SYT16: variants seen among roughly 807,000 people sequenced by gnomAD.
SYT16 encodes synaptotagmin-16.
SYT16 carries 42 observed loss-of-function variants against 61.4 expected under a neutral mutation model. The observed-to-expected ratio is 0.68, with a 90% CI of 0.53 to 0.89. SYT16 has a LOEUF of 0.89. SYT16 is among the 40% of genes least tolerant of loss of function. SYT16 has a pLI of 0.00. For synonymous variants in SYT16, 314 were observed against 302.3 expected, an observed-to-expected ratio of 1.04 and a Z score of -0.40; for missense variants, 804 against 807.3, an observed-to-expected ratio of 1.00 and a Z score of 0.05.
intron 3 of SYT16, among the ~76,000 whole-genome samples, chr14:62,044,177 G>C (rs2054864730): frequency 6.6e-6 from 1 of 151,020 alleles, no homozygotes; most frequent in Non-Finnish European, 1.5e-5. Context: ...TCCAGCCTGG[G>C]TGACAGAGCA....
At chr14:61,831,549 C>G (rs1171845192) in intron 1 of SYT16, among the ~76,000 whole-genome samples, 1 of 152,080 alleles carries the variant, frequency 6.6e-6, no homozygotes, top group Admixed American at 6.6e-5. Context: ...AGTATTGTCT[C>G]TCTCCCATTC....
At chr14:62,016,218 A>G (rs777478194) in intron 3 of SYT16, among the ~76,000 whole-genome samples, 27 of 152,218 alleles carry the variant, frequency 1.8e-4, no homozygotes, top group Non-Finnish European at 3.5e-4. Context: ...TTCAGTTTCC[A>G]TGGCACAGCT....
At chr14:62,078,172 A>AACACACACCACAC (rs1555382592) in intron 5 of SYT16, among the ~76,000 whole-genome samples, 3 of 128,786 alleles carry the variant, frequency 2.3e-5, no homozygotes, top group African/African-American at 3.1e-5. Context: ...TATATATATA[A>AACACACACCACAC]ACACACACAC....
chr14:62,096,831 G>A (rs1478619815), intron 7 of SYT16, among the ~76,000 whole-genome samples: 1 of 152,096 alleles, frequency 6.6e-6, no homozygotes, highest in Admixed American at 6.6e-5. Context: ...CAATAAAAAG[G>A]CAGAAACATT....
At chr14:62,072,292 A>G (rs1406080210) in intron 4 of SYT16, among the ~76,000 whole-genome samples, 1 of 152,190 alleles carries the variant, frequency 6.6e-6, no homozygotes, top group Non-Finnish European at 1.5e-5. Context: ...TATATCTGCC[A>G]TGGTTCAATT....
intron 1 of SYT16, among the ~76,000 whole-genome samples, chr14:61,895,869 TATTTAGGA>T (rs1292184120): frequency 6.6e-6 from 1 of 152,212 alleles, no homozygotes; most frequent in Non-Finnish European, 1.5e-5. Context: ...AAATATTAGT[TATTTAGGA>T]ATTTTTTTCT....
intron 3 of SYT16, among the ~76,000 whole-genome samples, chr14:62,049,994 A>G (rs2055195081): frequency 6.6e-6 from 1 of 151,998 alleles, no homozygotes; most frequent in South Asian, 2.1e-4. Context: ...CATTCTCTGT[A>G]TTTCCTGAAT....
At chr14:61,897,527 A>T (rs2140351017) in intron 1 of SYT16, among the ~76,000 whole-genome samples, 1 of 152,246 alleles carries the variant, frequency 6.6e-6, no homozygotes, top group South Asian at 2.1e-4. Flanking sequence ...TGCATCTTAA[A>T]TTAATATCTA....
rs2057515073 is a variant in SYT16 at position 62,106,463 on chromosome 14, T to C, written c.*5756T>C. ...CATCATCTTTGGAAGTTTTTTAAAA[T>C]AGAAAAATGTACTTGAAGTCTTGGT... On this transcript the variant is annotated 3_prime_UTR_variant, in exon 8 of 8. Transcript: ENST00000683842. 1 of 152,126 alleles carries C rather than the reference T, an allele frequency of 6.6e-6. No individual in the cohort carries two copies. The highest frequency in any genetic ancestry group is 1.5e-5 in the Non-Finnish European group (1 of 68,014). The allele number at this position is 152,126 out of a possible 1,614,324, so 9.4% of individuals were successfully genotyped here.
chr14:61,867,188 ATCTTTT>A (rs1287673107), intron 1 of SYT16, among the ~76,000 whole-genome samples: 7 of 152,076 alleles, frequency 4.6e-5, no homozygotes, highest in South Asian at 2.1e-4. Context: ...GGTAGTGTAA[ATCTTTT>A]TCTTTTTCAT....
intron 7 of SYT16, among the ~76,000 whole-genome samples, chr14:62,089,188 AG>A (rs2056985965): frequency 6.6e-6 from 1 of 151,982 alleles, no homozygotes; most frequent in Non-Finnish European, 1.5e-5. Flanking sequence ...GCATGGTGGC[AG>A]GTGCCTGTAA....
At chr14:61,968,330 G>C (rs1261961324) in intron 1 of SYT16, among the ~76,000 whole-genome samples, 1 of 152,138 alleles carries the variant, frequency 6.6e-6, no homozygotes, top group Admixed American at 6.5e-5. Context: ...AGAAGATAAA[G>C]GGGTGTGGTT....
chr14:62,046,920 T>C (rs1453278370), intron 3 of SYT16, among the ~76,000 whole-genome samples: 1 of 152,246 alleles, frequency 6.6e-6, no homozygotes, highest in Non-Finnish European at 1.5e-5. Flanking sequence ...TGGCTTAGGA[T>C]TGACTGGGCA....
intron 1 of SYT16, among the ~76,000 whole-genome samples, chr14:61,928,839 G>C (rs2049642906): frequency 6.6e-6 from 1 of 152,230 alleles, no homozygotes; most frequent in African/African-American, 2.4e-5. Flanking sequence ...CGATAATGAG[G>C]ATAAGTACAT....
In SYT16 at chr14:62,100,458, C is replaced by A; in HGVS notation, c.1689C>A (p.Ser563=). 6.2e-7 allele frequency: 1 copy of A among 1,613,422 alleles called. No individual in the cohort carries two copies. The highest frequency in any genetic ancestry group is 8.5e-7 in the Non-Finnish European group (1 of 1,179,650). Reference sequence around the variant, plus strand: ...AAGAGATGTCCCGTTGCAAGACGTCCATTCGGCGTGGTCAGCCCAATCCTG... The same window carrying A: ...AAGAGATGTCCCGTTGCAAGACGTCAATTCGGCGTGGTCAGCCCAATCCTG... ...VGQEMSRCKT[S]IRRGQPNPVY... is the part of the protein sequence containing the mutation. The change falls in exon 8 of 8, where the codon TCC becomes TCA. Residue 563 remains serine, a synonymous_variant. Coordinates refer to ENST00000683842, the MANE Select transcript of SYT16 (RefSeq NM_001367656.1).
At chr14:62,100,023 G>A (rs1186282343) in intron 7 of SYT16, among the ~76,000 whole-genome samples, 1 of 152,168 alleles carries the variant, frequency 6.6e-6, no homozygotes, top group Admixed American at 6.5e-5. Context: ...ATCATGTAGA[G>A]CAAAATGTGT....
In SYT16 at chr14:61,937,664, T is replaced by A. The variant is rs1044709531; in HGVS notation, c.-324-32468T>A. 5.9e-5 allele frequency among the ~76,000 whole-genome samples: 9 copies of A among 152,124 alleles called. No individual in the cohort carries two copies. In the South Asian group the frequency reaches 6.2e-4, roughly 11 times the overall value. ...TGGAGAGTGTTGGGACAATTTTCAA[T>A]AAGAGATTATTGTTGTTTCAGTGGC... On this transcript the variant is annotated intron_variant, in intron 1 of 7. Transcript: ENST00000683842.
intron 1 of SYT16, among the ~76,000 whole-genome samples, chr14:61,919,443 G>T (rs527434071): frequency 6.6e-6 from 1 of 152,370 alleles, no homozygotes; most frequent in East Asian, 1.9e-4. Context: ...GATAAATCAA[G>T]ATGTCAGCAG....
intron 5 of SYT16, among the ~76,000 whole-genome samples, chr14:62,078,958 G>A (rs1483031043): frequency 1.3e-5 from 2 of 152,180 alleles, no homozygotes; most frequent in Admixed American, 6.5e-5. Flanking sequence ...GTGTTTAAGA[G>A]CCAATTTTTA....
Sources: allele counts gnomAD v4.1 joint callset (sites outside exome capture counted in the v4.1 genomes callset), GRCh38; gene constraint gnomAD v4.1.1; transcripts MANE v1.5; gene names NCBI Gene and HGNC (gene_info 2026-07-23, HGNC 2026-07-21).